Variants in ZNF827 observed in about 807,000 individuals in gnomAD.
ZNF827 encodes zinc finger protein 827.
Under a neutral mutation model 102.4 loss-of-function variants are expected in ZNF827, and 13 were observed. The ratio of observed to expected loss-of-function variants is 0.13; its 90% CI spans 0.08 to 0.20. The LOEUF is 0.20. ZNF827 is among the 10% of genes least tolerant of loss of function. The pLI is 1.00. For missense variants in ZNF827, 1,103 were observed against 1,344.4 expected (o/e 0.82, Z 2.81); for synonymous variants, 523 against 536.2 (o/e 0.98, Z 0.34).
chr4:145,858,467 C>T (rs75236112), intron 5 of ZNF827, among the ~76,000 whole-genome samples: 2,024 of 151,736 alleles, frequency 0.013, 34 homozygotes, highest in African/African-American at 0.046. Context: ...GAGATCCAGT[C>T]TCTACAAAAG....
Position 145,761,665 on chromosome 4 carries a change from G to T in ZNF827, c.*18-67C>A. 1.0e-6 allele frequency: 1 copy of T among 979,530 alleles called. No individual in the cohort carries two copies. The highest frequency in any genetic ancestry group is 1.4e-6 in the Non-Finnish European group (1 of 735,124). 60.7% of individuals were successfully genotyped at this position (979,530 alleles called of 1,614,324 possible). On this transcript the variant is annotated intron_variant, in intron 14 of 14. Transcript: ENST00000508784. The surrounding 1 kb of genome is among the most constrained non-coding windows in gnomAD (Gnocchi z 6.8). ...TTCGGAGGCAGCCGCGCTTCTCGCC[G>T]CCTCACCAGCCTTCCCTCACACCAC... is the stretch of plus-strand genomic sequence containing the variant.
At chr4:145,857,753 G>A (rs1388740210) in intron 5 of ZNF827, among the ~76,000 whole-genome samples, 1 of 152,122 alleles carries the variant, frequency 6.6e-6, no homozygotes, top group Non-Finnish European at 1.5e-5. Context: ...AACTTTGAGT[G>A]TCCTGGTGTT....
At chr4:145,891,748 T>C (rs1750622310) in intron 3 of ZNF827, among the ~76,000 whole-genome samples, 1 of 152,202 alleles carries the variant, frequency 6.6e-6, no homozygotes, top group Non-Finnish European at 1.5e-5. Flanking sequence ...ACTGTCTTCA[T>C]GCCTCCTACA....
chr4:145,892,418 T>C lies in ZNF827; in HGVS notation c.1094-3A>G, dbSNP rs200117007. ...CTTTCCACTTTCCTCTTCTGAGGCT[T>C]GGAAGAAGGAGAAAGAAAGGACCAT... On this transcript the variant is annotated splice_polypyrimidine_tract_variant and splice_region_variant and intron_variant, in intron 2 of 14. Transcript: ENST00000508784. 9.1e-4 allele frequency: 1,458 copies of C among 1,608,936 alleles called. 3 individuals are homozygous for C. The highest frequency in any genetic ancestry group is 1.2e-3 in the Non-Finnish European group (1,378 of 1,177,392).
At chr4:145,807,479 CTT>C (rs1553988638) in intron 8 of ZNF827, among the ~76,000 whole-genome samples, 1 of 147,552 alleles carries the variant, frequency 6.8e-6, no homozygotes. Flanking sequence ...TGTCCCAGTG[CTT>C]TTTTTTTTTG....
chr4:145,787,924 C>T (rs1739127663), intron 8 of ZNF827, among the ~76,000 whole-genome samples: 1 of 152,128 alleles, frequency 6.6e-6, no homozygotes. Context: ...CCATCCTGCC[C>T]CAAACCCAAG....
At chr4:145,798,526 T>G (rs1740591590) in intron 8 of ZNF827, among the ~76,000 whole-genome samples, 1 of 151,884 alleles carries the variant, frequency 6.6e-6, no homozygotes. Context: ...ATTAGCTAGG[T>G]GTGGTGGCGT....
At chr4:145,853,381 C>T (rs951216577) in intron 5 of ZNF827, among the ~76,000 whole-genome samples, 5 of 152,162 alleles carry the variant, frequency 3.3e-5, no homozygotes, top group Admixed American at 3.3e-4. Flanking sequence ...AGAATCTCTT[C>T]CCAAAATAAT....
In ZNF827 at chr4:145,847,730, C is replaced by T. The variant is rs192770729; in HGVS notation, c.2221+1592G>A. 1.5e-3 allele frequency among the ~76,000 whole-genome samples: 221 copies of T among 152,266 alleles called. 1 individual carries two copies. The highest frequency in any genetic ancestry group is 2.6e-3 in the Non-Finnish European group (179 of 68,024). Reference sequence around the variant, plus strand: ...GCTTCTTTTAATATCTAGAAAAAACCTGGCCAACTGTATAAGAGTTTCAGA... The same window carrying T: ...GCTTCTTTTAATATCTAGAAAAAACTTGGCCAACTGTATAAGAGTTTCAGA... On this transcript the variant is annotated intron_variant, in intron 6 of 14. Transcript: ENST00000508784.
intron 1 of ZNF827, among the ~76,000 whole-genome samples, chr4:145,907,865 G>C (rs958065764): frequency 6.6e-6 from 1 of 152,214 alleles, no homozygotes; most frequent in African/African-American, 2.4e-5. Context: ...ATTAAGAATA[G>C]CAATGGTGCA....
At chr4:145,874,224 G>T (rs1003257242) in intron 4 of ZNF827, among the ~76,000 whole-genome samples, 1 of 152,186 alleles carries the variant, frequency 6.6e-6, no homozygotes, top group Non-Finnish European at 1.5e-5. Flanking sequence ...CACTTTAAAA[G>T]GCAATAGGCA....
chr4:145,791,984 GT>G (rs143172361), intron 8 of ZNF827, among the ~76,000 whole-genome samples: 4,996 of 152,262 alleles, frequency 0.033, 201 homozygotes, highest in African/African-American at 0.089. Flanking sequence ...TTCTAGCTGT[GT>G]CCATGGGATG....
At chr4:145,808,952 G>A (rs1021407215) in intron 8 of ZNF827, among the ~76,000 whole-genome samples, 3 of 151,910 alleles carry the variant, frequency 2.0e-5, no homozygotes, top group Non-Finnish European at 2.9e-5. Context: ...AGGTATACAC[G>A]ACCATACATG....
At chr4:145,796,280 CACACGCAG>C (rs1159099532) in intron 8 of ZNF827, among the ~76,000 whole-genome samples, 1 of 152,198 alleles carries the variant, frequency 6.6e-6, no homozygotes, top group Non-Finnish European at 1.5e-5. Context: ...CTAAAACAAA[CACACGCAG>C]ACATGTTTCC....
At chr4:145,903,359 TCAGACAGACTTGG>T (rs1484522159) in intron 1 of ZNF827, 144 bp from the exon 2 acceptor site, 1 of 1,416,926 alleles carries the variant, frequency 7.1e-7, no homozygotes, top group African/African-American at 1.4e-5. Flanking sequence ...TAACAGAATG[TCAGACAGACTTGG>T]CAGAAGCCTG....
intron 4 of ZNF827, among the ~76,000 whole-genome samples, chr4:145,873,362 C>T (rs185665396): frequency 2.0e-5 from 3 of 152,252 alleles, no homozygotes; most frequent in East Asian, 3.9e-4. Flanking sequence ...CATCCAATGG[C>T]GTTCCAATAT....
chr4:145,835,972 A>T (rs1744795764), intron 7 of ZNF827, among the ~76,000 whole-genome samples: 1 of 150,680 alleles, frequency 6.6e-6, no homozygotes, highest in Non-Finnish European at 1.5e-5. Flanking sequence ...CTGCCTCTAC[A>T]ACCCATTAGT....
At chr4:145,781,228 G>GAA (rs60872964) in intron 8 of ZNF827, among the ~76,000 whole-genome samples, 60 of 99,622 alleles carry the variant, frequency 6.0e-4, no homozygotes, top group South Asian at 9.8e-4. Context: ...GAAAAAAAAA[G>GAA]AAAAAAAAAA....
chr4:145,835,201 G>A (rs1339252348), intron 7 of ZNF827: 1 of 152,172 alleles, frequency 6.6e-6, no homozygotes, highest in East Asian at 1.9e-4. Flanking sequence ...AGATCTTCTC[G>A]GCTTAGCGGC....
Sources: gnomAD v4.1 joint callset for allele counts (sites outside exome capture counted in the v4.1 genomes callset) on GRCh38, gnomAD v4.1.1 for gene constraint, Gnocchi (gnomAD v3.1) non-coding constraint, MANE v1.5 for transcripts, NCBI Gene and HGNC (gene_info 2026-07-23, HGNC 2026-07-21) for gene names.